CATSPERE: variants seen among roughly 807,000 people sequenced by gnomAD.
CATSPERE encodes catsper channel auxiliary subunit epsilon.
Under a neutral mutation model 114.1 loss-of-function variants are expected in CATSPERE, and 93 were observed. The observed-to-expected ratio is 0.81, with a 90% CI of 0.69 to 0.97. The LOEUF is 0.97. Among genes scored for constraint, CATSPERE ranks in the 50% least tolerant of loss-of-function variants. The probability of loss-of-function intolerance (pLI) is 0.00; values close to 1 mark genes in which losing one functional copy is unlikely to be tolerated. For missense variants in CATSPERE, 1,058 were observed against 1,131.6 expected, an observed-to-expected ratio of 0.93 and a Z score of 0.93; for synonymous variants, 341 against 384.1, an observed-to-expected ratio of 0.89 and a Z score of 1.31.
At chr1:244,572,129 G>A (rs1256394279) in intron 10 of CATSPERE, among the ~76,000 whole-genome samples, 2 of 152,136 alleles carry the variant, frequency 1.3e-5, no homozygotes, top group Non-Finnish European at 2.9e-5. Flanking sequence ...TATTCAAGAA[G>A]AAAACTAATA....
chr1:244,493,361 A>G (rs1192327739), intron 6 of CATSPERE, among the ~76,000 whole-genome samples: 1 of 152,232 alleles, frequency 6.6e-6, no homozygotes, highest in Non-Finnish European at 1.5e-5. Context: ...AGGATTCCCT[A>G]TTTAATAAAT....
At chr1:244,599,812 C>T (rs1347924741) in intron 17 of CATSPERE, among the ~76,000 whole-genome samples, 1 of 152,108 alleles carries the variant, frequency 6.6e-6, no homozygotes, top group Non-Finnish European at 1.5e-5. Flanking sequence ...GAAGAGAAGC[C>T]AGACTGCAGG....
At position 244,554,468 on chromosome 1, in the gene CATSPERE, C is replaced by A. The variant is rs553786956; in HGVS notation, c.1029+1654C>A. Among the ~76,000 whole-genome samples the A allele has an allele frequency of 3.9e-5, 6 of 152,226 alleles. No homozygotes were observed. The South Asian group carries it at 1.2e-3, about 32-fold the overall frequency. The stretch of plus-strand genomic sequence containing the variant: ...TTACTTGAGCCTAGGCGTTAGAGAC[C>A]AGCCTGGGCAACATGGTGAGACCCC... On this transcript the variant is annotated intron_variant, in intron 9 of 21. Coordinates refer to ENST00000366534, the MANE Select transcript of CATSPERE (RefSeq NM_001130957.2).
At chr1:244,560,522 T>C (rs1391142301) in intron 9 of CATSPERE, 146 bp from the exon 10 acceptor site, 7 of 432,514 alleles carry the variant, frequency 1.6e-5, no homozygotes, top group Non-Finnish European at 2.7e-5. Flanking sequence ...GAAGAACTTA[T>C]TCATATAACA....
At chr1:244,464,272 AG>A (rs1667250414) in intron 2 of CATSPERE, among the ~76,000 whole-genome samples, 1 of 152,256 alleles carries the variant, frequency 6.6e-6, no homozygotes, top group Non-Finnish European at 1.5e-5. Context: ...ATTATACAAC[AG>A]GTATAAATTA....
At position 244,510,845 on chromosome 1, in the gene CATSPERE, T is replaced by C. The variant is rs1344033886; in HGVS notation, c.430-7747T>C. Among the ~76,000 whole-genome samples, 39 of 131,218 alleles carry C rather than the reference T, an allele frequency of 3.0e-4. 1 individual carries two copies. The highest frequency in any genetic ancestry group is 1.3e-3 in the African/African-American group (38 of 29,430). The allele number at this position is 131,218 out of a possible 152,430, so 86.1% of individuals were successfully genotyped here. On this transcript the variant is annotated intron_variant, in intron 7 of 21. Transcript: ENST00000366534. ...TTTCTTTTTCTTTTTCTTTTTTTTTTTTTTTTTTTTTTTTTGAGACAGAAT... is the reference window on the plus strand; with the variant it reads ...TTTCTTTTTCTTTTTCTTTTTTTTTCTTTTTTTTTTTTTTTGAGACAGAAT...
At chr1:244,624,000 C>T (rs900657002) in intron 20 of CATSPERE, among the ~76,000 whole-genome samples, 8 of 151,834 alleles carry the variant, frequency 5.3e-5, no homozygotes, top group Non-Finnish European at 1.0e-4. Flanking sequence ...CTCACTCTGT[C>T]GCCCAGGCTG....
At position 244,623,689 on chromosome 1, in the gene CATSPERE, C is replaced by A. The variant is rs144066334; in HGVS notation, c.2648+6003C>A. Among the ~76,000 whole-genome samples the A allele has an allele frequency of 8.9e-3, 1,350 of 152,152 alleles. 5 individuals carry two copies. Among genetic ancestry groups the A allele is most frequent in the Middle Eastern group, 0.038 (11 of 292 alleles). On this transcript the variant is annotated intron_variant, in intron 20 of 21. Transcript: ENST00000366534. ...TGTAGGTTTAGTTCCAGACCCCTGC[C>A]GTAAAGCGAGTCATGTGAATTTTTT...
At chr1:244,579,685 G>C (rs1558532848) in intron 11 of CATSPERE, among the ~76,000 whole-genome samples, 1 of 152,058 alleles carries the variant, frequency 6.6e-6, no homozygotes, top group Non-Finnish European at 1.5e-5. Flanking sequence ...AATGACCAAT[G>C]GCAATGAAAC....
rs376284543 is a variant in CATSPERE at position 244,494,165 on chromosome 1, C to T, written c.351+3694C>T. Among the ~76,000 whole-genome samples, 226 of 151,978 alleles carry T rather than the reference C, an allele frequency of 1.5e-3. 1 individual carries two copies. Among genetic ancestry groups the T allele is most frequent in the Non-Finnish European group, 1.9e-3 (132 of 67,960 alleles). On this transcript the variant is annotated intron_variant, in intron 6 of 21. Transcript: ENST00000366534. Reference sequence around the variant, plus strand: ...GACACATGCACACGTATGTTTATTGCGGCACTATTCACAATAGCAAAGACT... The same window carrying T: ...GACACATGCACACGTATGTTTATTGTGGCACTATTCACAATAGCAAAGACT...
intron 1 of CATSPERE, among the ~76,000 whole-genome samples, chr1:244,455,709 A>C (rs1025943616): frequency 1.3e-5 from 2 of 151,724 alleles, no homozygotes; most frequent in African/African-American, 4.8e-5. Context: ...TGTTTTGCCT[A>C]TCTTAATGTA....
At chr1:244,563,610 A>ATTTGT in intron 10 of CATSPERE, among the ~76,000 whole-genome samples, 1 of 149,030 alleles carries the variant, frequency 6.7e-6, no homozygotes, top group Admixed American at 6.7e-5. Flanking sequence ...TGATGGGGTT[A>ATTTGT]TTTTTTCTTG....
intron 17 of CATSPERE, 104 bp from the exon 18 acceptor site, chr1:244,605,591 T>G (rs1669880349): frequency 3.0e-6 from 2 of 658,384 alleles, no homozygotes; most frequent in Non-Finnish European, 5.2e-6. Flanking sequence ...TATGAAGTGA[T>G]AAAGACAGGA....
intron 6 of CATSPERE, among the ~76,000 whole-genome samples, chr1:244,498,006 C>A (rs1379561210): frequency 6.6e-6 from 1 of 152,030 alleles, no homozygotes; most frequent in African/African-American, 2.4e-5. Flanking sequence ...AGTGTATTTA[C>A]CCCATGACTC....
At chr1:244,625,403 T>TAATA (rs1447448640) in intron 20 of CATSPERE, among the ~76,000 whole-genome samples, 2 of 16,142 alleles carry the variant, frequency 1.2e-4, no homozygotes, top group African/African-American at 4.7e-4. Context: ...TTATTATTAT[T>TAATA]ATTTATATAT....
At position 244,501,544 on chromosome 1, in the gene CATSPERE, C is replaced by G. The variant is rs543652836; in HGVS notation, c.429+2465C>G. The stretch of plus-strand genomic sequence containing the variant: ...TCCTATCTCATGGTAATCAAATTCA[C>G]AAGGGAAGGATTGATAAATCAGAAG... On this transcript the variant is annotated intron_variant, in intron 7 of 21. Coordinates refer to ENST00000366534, the MANE Select transcript of CATSPERE (RefSeq NM_001130957.2). 9.2e-5 allele frequency among the ~76,000 whole-genome samples: 14 copies of G among 152,172 alleles called. No individual in the cohort carries two copies. The South Asian group carries it at 2.7e-3, about 29-fold the overall frequency.
chr1:244,622,545 A>G (rs949415153), intron 20 of CATSPERE, among the ~76,000 whole-genome samples: 8 of 151,952 alleles, frequency 5.3e-5, no homozygotes, highest in African/African-American at 1.9e-4. Flanking sequence ...CTGGGATTAC[A>G]GACATGTGCC....
intron 8 of CATSPERE, among the ~76,000 whole-genome samples, chr1:244,529,612 GGATTGTCTCTTCAATTTTTT>G (rs1329255779): frequency 6.6e-6 from 1 of 151,940 alleles, no homozygotes; most frequent in African/African-American, 2.4e-5. Context: ...CCCATTCTGT[GGATTGTCTCTTCAATTTTTT>G]GATTGTTTCC....
At chr1:244,632,161 C>T (rs575918318) in intron 20 of CATSPERE, among the ~76,000 whole-genome samples, 18 of 151,942 alleles carry the variant, frequency 1.2e-4, no homozygotes, top group Admixed American at 2.6e-4. Context: ...TTTGGGAGGC[C>T]GAGGTGGGCA....
Sources: gnomAD v4.1 joint callset for allele counts (sites outside exome capture counted in the v4.1 genomes callset) on GRCh38, gnomAD v4.1.1 for gene constraint, MANE v1.5 for transcripts, NCBI Gene and HGNC (gene_info 2026-07-23, HGNC 2026-07-21) for gene names.